Variants in ANKRD30A observed in about 807,000 individuals in gnomAD.
ANKRD30A encodes ankyrin repeat domain-containing protein 30A.
In ANKRD30A, 170 loss-of-function variants were observed where a neutral mutation model predicts 166.3. That is an observed-to-expected ratio of 1.02 (90% CI 0.90 to 1.16). The LOEUF (loss-of-function observed/expected upper bound fraction) is 1.16, where lower values mean the gene tolerates loss of function less well. ANKRD30A is among the 50% of genes most tolerant of loss of function. ANKRD30A has a pLI of 0.00. For missense variants in ANKRD30A, 1,630 were observed against 1,518.0 expected, an observed-to-expected ratio of 1.07 and a Z score of -1.23; for synonymous variants, 564 against 508.9, an observed-to-expected ratio of 1.11 and a Z score of -1.46.
intron 1 of ANKRD30A, among the ~76,000 whole-genome samples, chr10:37,128,042 G>A (rs1455558256): frequency 1.3e-5 from 2 of 151,998 alleles, no homozygotes; most frequent in African/African-American, 4.8e-5. Flanking sequence ...TGGGATAATA[G>A]TTGACCACTC....
chr10:37,217,813 C>T lies in ANKRD30A; in HGVS notation c.3202C>T (p.Gln1068Ter), dbSNP rs774154838. Reference protein sequence around the residue: ...QHRKELEVKQQLEQALRIQDI... With the variant: ...QHRKELEVKQ ...TAGGAAAGAGTTAGAAGTGAAACAA[C>T]AACTTGAACAGGCTCTCAGAATACA... The change falls in exon 33 of 36, where the codon CAA (glutamine) becomes TAA (stop). Residue 1068 changes from glutamine (Q) to a stop codon, truncating the protein, a stop_gained. Coordinates refer to ENST00000361713, the MANE Select transcript of ANKRD30A (RefSeq NM_052997.3). LOFTEE classifies it high-confidence loss of function. The T allele has an allele frequency of 6.3e-7, 1 of 1,599,360 alleles. No individual in the cohort carries two copies. Among genetic ancestry groups the T allele is most frequent in the Non-Finnish European group, 8.5e-7 (1 of 1,172,082 alleles).
At chr10:37,251,157 A>G in the ANKRD30A span, among the ~76,000 whole-genome samples, 2 of 152,176 alleles carry the variant, frequency 1.3e-5, no homozygotes, top group African/African-American at 2.4e-5. Context: ...AGAGAAAAAC[A>G]TACAATCTGG....
rs199571878 is a variant in ANKRD30A, at chr10:37,149,825, A to C, written c.1621A>C (p.Lys541Gln). ...NSVPNKAFEL[K>Q]NEQTLRADPM... is the part of the protein sequence containing the mutation. ...TGTTCCAAATAAAGCCTTTGAATTGAAGAATGAACAAACATTGAGAGCAGG... is the reference window on the plus strand; with the variant it reads ...TGTTCCAAATAAAGCCTTTGAATTGCAGAATGAACAAACATTGAGAGCAGG... Residue 541 changes from lysine (K) to glutamine (Q), a missense_variant, in exon 11 of 36, where the codon AAG (lysine) becomes CAG (glutamine). Physicochemically the swap from Lys to Gln is moderately conservative, Grantham distance 53 (BLOSUM62 1). Transcript: ENST00000361713. 3.7e-6 allele frequency: 6 copies of C among 1,612,886 alleles called. No individual in the cohort carries two copies. The African/African-American group carries it at 8.0e-5, about 22-fold the overall frequency.
chr10:37,223,990 T>C (rs1843010392), intron 34 of ANKRD30A, among the ~76,000 whole-genome samples: 1 of 151,336 alleles, frequency 6.6e-6, no homozygotes, highest in South Asian at 2.1e-4. Flanking sequence ...AATATATTTA[T>C]TAAAACTGAG....
the ANKRD30A span, among the ~76,000 whole-genome samples, chr10:37,240,324 G>C: frequency 6.6e-6 from 1 of 152,024 alleles, no homozygotes; most frequent in Non-Finnish European, 1.5e-5. Context: ...GAAAACAAAG[G>C]CATCATTCTC....
chr10:37,194,420 A>C (rs939363993), intron 27 of ANKRD30A, among the ~76,000 whole-genome samples: 1 of 150,944 alleles, frequency 6.6e-6, no homozygotes, highest in Non-Finnish European at 1.5e-5. Context: ...CGGCTCATGC[A>C]AGCTCTGCCT....
chr10:37,130,312 TA>T lies in ANKRD30A; in HGVS notation c.445del (p.Ser149ValfsTer32). 4 of 1,600,158 alleles carry T rather than the reference TA, an allele frequency of 2.5e-6. No individual in the cohort carries two copies. The highest frequency in any genetic ancestry group is 2.6e-6 in the Non-Finnish European group (3 of 1,173,708). On this transcript the variant is annotated frameshift_variant, in exon 3 of 36. Coordinates refer to ENST00000361713, the MANE Select transcript of ANKRD30A (RefSeq NM_052997.3). LOFTEE classifies it high-confidence loss of function. ...GNTALHYAVY[S>X]EILSVVAKLL... ...ACACGGCTCTCCATTATGCTGTTTA[TA>T]GTGAGATTTTGTCAGTGGTGGCAAA...
the ANKRD30A span, chr10:37,248,299 G>T: frequency 2.1e-6 from 1 of 473,742 alleles, no homozygotes. Flanking sequence ...CCACTGTTCA[G>T]TTCTGGTCAT....
chr10:37,128,367 G>A (rs116070159), intron 1 of ANKRD30A, among the ~76,000 whole-genome samples: 3,583 of 151,916 alleles, frequency 0.024, 128 homozygotes, highest in African/African-American at 0.081. Flanking sequence ...CACTTTCTAT[G>A]TTTTAATTTT....
chr10:37,148,903 T>C (rs1455220944), intron 9 of ANKRD30A, among the ~76,000 whole-genome samples: 6 of 152,066 alleles, frequency 3.9e-5, no homozygotes, highest in Non-Finnish European at 7.4e-5. Context: ...GAATTTATAC[T>C]TGAATAATAA....
At chr10:37,139,780 A>G (rs1286841954) in intron 6 of ANKRD30A, among the ~76,000 whole-genome samples, 1 of 152,190 alleles carries the variant, frequency 6.6e-6, no homozygotes, top group Non-Finnish European at 1.5e-5. Context: ...CCAGGTTGAT[A>G]TTGAACCTCT....
At chr10:37,198,585 C>T (rs1000861956) in intron 29 of ANKRD30A, among the ~76,000 whole-genome samples, 1 of 152,010 alleles carries the variant, frequency 6.6e-6, no homozygotes, top group Non-Finnish European at 1.5e-5. Context: ...TGCCCCAGAG[C>T]TTCTTAGAGA....
At chr10:37,222,781 G>T (rs536256556) in intron 34 of ANKRD30A, among the ~76,000 whole-genome samples, 46 of 151,268 alleles carry the variant, frequency 3.0e-4, no homozygotes, top group African/African-American at 1.0e-3. Context: ...TTGACCTTAT[G>T]CTTCAGGATG....
chr10:37,218,764 T>C (rs1041889054), intron 33 of ANKRD30A, among the ~76,000 whole-genome samples: 2 of 150,962 alleles, frequency 1.3e-5, no homozygotes, highest in Non-Finnish European at 3.0e-5. Context: ...ATTTCTTTTG[T>C]ACTTTCATGA....
At chr10:37,151,481 A>G (rs1376928845) in intron 11 of ANKRD30A, among the ~76,000 whole-genome samples, 2 of 152,108 alleles carry the variant, frequency 1.3e-5, no homozygotes, top group Non-Finnish European at 2.9e-5. Context: ...ATATTCAATA[A>G]AAGTTTTTAA....
chr10:37,153,565 T>C lies in ANKRD30A; in HGVS notation c.1708-7T>C. ...TTGAAATTATTTATTGCTATTACTT[T>C]TAACAGAGTCTCTGTGAGACTGTTT... On this transcript the variant is annotated splice_polypyrimidine_tract_variant and splice_region_variant and intron_variant, in intron 12 of 35. Coordinates refer to ENST00000361713, the MANE Select transcript of ANKRD30A (RefSeq NM_052997.3). 6.2e-7 allele frequency: 1 copy of C among 1,611,226 alleles called. No homozygotes were observed. Among genetic ancestry groups the C allele is most frequent in the Non-Finnish European group, 8.5e-7 (1 of 1,179,058 alleles).
At chr10:37,241,061 A>AT in the ANKRD30A span, 3 of 151,950 alleles carry the variant, frequency 2.0e-5, no homozygotes, top group Non-Finnish European at 2.9e-5. Flanking sequence ...TTATATATAC[A>AT]TTTTTTTATT....
chr10:37,196,093 ATTTT>A (rs749036981), intron 27 of ANKRD30A, among the ~76,000 whole-genome samples: 3 of 129,458 alleles, frequency 2.3e-5, no homozygotes, highest in African/African-American at 2.9e-5. Flanking sequence ...TATATTTTCT[ATTTT>A]TTTTTTTTTT....
chr10:37,126,707 G>T lies in ANKRD30A; in HGVS notation c.221+699G>T, dbSNP rs542411102. On this transcript the variant is annotated intron_variant, in intron 1 of 35. Coordinates refer to ENST00000361713, the MANE Select transcript of ANKRD30A (RefSeq NM_052997.3). ...GATGACATTTTAAATATTTTGTAAT[G>T]GAGTAAAAAAGTCTTGCCCTTCTAG... 2.6e-5 allele frequency among the ~76,000 whole-genome samples: 4 copies of T among 152,192 alleles called. No homozygotes were observed. In the East Asian group the frequency reaches 7.7e-4, roughly 29 times the overall value.
Sources: gnomAD v4.1 joint callset for allele counts (sites outside exome capture counted in the v4.1 genomes callset) on GRCh38, gnomAD v4.1.1 for gene constraint, MANE v1.5 for transcripts, NCBI Gene and HGNC (gene_info 2026-07-23, HGNC 2026-07-21) for gene names.